HM13: variants seen among roughly 807,000 people sequenced by gnomAD.
HM13 encodes the protein histocompatibility minor 13.
Under a neutral mutation model 50.0 loss-of-function variants are expected in HM13, and 18 were observed. That is an observed-to-expected ratio of 0.36 (90% CI 0.25 to 0.53). The LOEUF (loss-of-function observed/expected upper bound fraction) is 0.53, where lower values mean the gene tolerates loss of function less well. Among genes scored for constraint, HM13 ranks in the 20% least tolerant of loss-of-function variants. The pLI is 0.90. For synonymous variants in HM13, 197 were observed against 232.6 expected (o/e 0.85, Z 1.39); for missense variants, 393 against 552.4 (o/e 0.71, Z 2.89).
intron 1 of HM13, among the ~76,000 whole-genome samples, chr20:31,523,818 G>A (rs1402356263): frequency 6.6e-6 from 1 of 152,156 alleles, no homozygotes; most frequent in East Asian, 1.9e-4. Flanking sequence ...AGGAAACTGG[G>A]CCTCTCATGT....
chr20:31,532,021 C>G (rs149421984), intron 2 of HM13, among the ~76,000 whole-genome samples: 1 of 152,240 alleles, frequency 6.6e-6, no homozygotes, highest in Non-Finnish European at 1.5e-5. Context: ...ATCCCCCTCA[C>G]TTTAAACAGA....
chr20:31,551,405 TG>T (rs1984027871), intron 7 of HM13, among the ~76,000 whole-genome samples: 1 of 152,140 alleles, frequency 6.6e-6, no homozygotes, highest in Non-Finnish European at 1.5e-5. Flanking sequence ...CACATAGCTG[TG>T]TCCAGAAAAA....
Position 31,549,241 on chromosome 20 carries a change from T to C in HM13, c.575T>C (p.Phe192Ser). Reference sequence around the variant, plus strand: ...GCCAACAACCTTTTTGGCCTGGCCTTCTCCCTTAATGGAGTAGAGCTCCTG... The same window carrying C: ...GCCAACAACCTTTTTGGCCTGGCCTCCTCCCTTAATGGAGTAGAGCTCCTG... ...WIANNLFGLAFSLNGVELLHL... is the reference protein window; with the variant it reads ...WIANNLFGLASSLNGVELLHL... Residue 192 changes from phenylalanine (F) to serine (S), a missense_variant, in exon 6 of 13, where the codon TTC becomes TCC. Coordinates refer to ENST00000398174, the MANE Select transcript of HM13 (RefSeq NM_178581.3). 2 of 1,614,158 alleles carry C rather than the reference T, an allele frequency of 1.2e-6. No individual in the cohort carries two copies. The highest frequency in any genetic ancestry group is 1.7e-6 in the Non-Finnish European group (2 of 1,180,028).
chr20:31,547,388 G>A (rs1010478122), intron 4 of HM13: 9 of 407,454 alleles, frequency 2.2e-5, no homozygotes, highest in Admixed American at 4.7e-5. Flanking sequence ...TAGCGACAAC[G>A]GCTCTGACCG....
intron 11 of HM13, chr20:31,567,841 C>G (rs1985010237): frequency 2.1e-6 from 1 of 482,410 alleles, no homozygotes; most frequent in East Asian, 3.5e-5. Context: ...GCAGCACATA[C>G]ACTTCTAGAG....
intron 4 of HM13, chr20:31,547,702 GAATTATTGTTTTTTAGACA>G (rs1357035819): frequency 7.5e-7 from 1 of 1,330,330 alleles, no homozygotes; most frequent in African/African-American, 1.5e-5. Flanking sequence ...CGTAAGTGGG[GAATTATTGTTTTTTAGACA>G]AAGAAAGGGG....
intron 11 of HM13, chr20:31,567,865 C>G: frequency 5.5e-6 from 3 of 550,372 alleles, no homozygotes; most frequent in Non-Finnish European, 9.6e-6. Context: ...GCTTGTTCTT[C>G]TGCACAGTGG....
intron 1 of HM13, among the ~76,000 whole-genome samples, chr20:31,515,841 G>C (rs571955487): frequency 6.6e-6 from 1 of 152,046 alleles, no homozygotes; most frequent in African/African-American, 2.4e-5. Context: ...GCACCTTCCC[G>C]ATGCTCCTCC....
chr20:31,562,327 A>C (rs1176850051), intron 10 of HM13: 1 of 156,896 alleles, frequency 6.4e-6, no homozygotes, highest in Non-Finnish European at 1.4e-5. Flanking sequence ...GGATTGCCCT[A>C]CTTTCTACTG....
chr20:31,515,967 C>T (rs971518478), intron 1 of HM13, among the ~76,000 whole-genome samples: 12 of 152,344 alleles, frequency 7.9e-5, no homozygotes, highest in Non-Finnish European at 1.8e-4. Flanking sequence ...CACTACCCAA[C>T]TTGAGCAGTA....
chr20:31,542,098 G>A (rs1185938808), intron 3 of HM13, among the ~76,000 whole-genome samples: 1 of 152,244 alleles, frequency 6.6e-6, no homozygotes, highest in Non-Finnish European at 1.5e-5. Context: ...CTGCACCCGA[G>A]CTGTGACAGC....
chr20:31,551,257 A>C (rs1984021399), intron 7 of HM13, among the ~76,000 whole-genome samples: 1 of 152,062 alleles, frequency 6.6e-6, no homozygotes, highest in Non-Finnish European at 1.5e-5. Flanking sequence ...GCTCAGAGTG[A>C]GTTAATGACC....
Position 31,550,053 on chromosome 20 carries a change from T to TC in HM13, c.667-10dup, listed in dbSNP as rs753788451. On this transcript the variant is annotated splice_polypyrimidine_tract_variant and intron_variant, in intron 6 of 12. Transcript: ENST00000398174. ...ACTTCCCTTCATACTGCTCTTTTTTTCTCCTTCTAGGTATTTGGCACCAAT... is the reference window on the plus strand; with the variant it reads ...ACTTCCCTTCATACTGCTCTTTTTTTCCTCCTTCTAGGTATTTGGCACCAAT... The TC allele has an allele frequency of 6.2e-7, 1 of 1,611,758 alleles. No individual in the cohort carries two copies.
Position 31,569,438 on chromosome 20 carries a change from C to T in HM13, c.*219C>T. 2.4e-6 allele frequency: 1 copy of T among 413,388 alleles called. No homozygotes were observed. The highest frequency in any genetic ancestry group is 4.4e-6 in the Non-Finnish European group (1 of 227,188). The allele number at this position is 413,388 out of a possible 1,614,324, so 25.6% of individuals were successfully genotyped here. A position where few individuals can be genotyped will look rare whatever the true frequency, so the allele number is the denominator to read the frequency against. ...CACACCCTGCAGGCAAAAGAAACCC[C>T]CAGCTTCCCCCCTCCCCGGGAGCCA... On this transcript the variant is annotated 3_prime_UTR_variant, in exon 13 of 13. Coordinates refer to ENST00000398174, the MANE Select transcript of HM13 (RefSeq NM_178581.3).
chr20:31,515,725 C>G (rs1244688757), intron 1 of HM13, among the ~76,000 whole-genome samples: 1 of 152,172 alleles, frequency 6.6e-6, no homozygotes, highest in Admixed American at 6.5e-5. Context: ...TCTCCCTCCC[C>G]CTTCCCTGCC....
At chr20:31,536,249 G>A (rs569475257) in intron 2 of HM13, among the ~76,000 whole-genome samples, 1 of 152,310 alleles carries the variant, frequency 6.6e-6, no homozygotes, top group South Asian at 2.1e-4. Context: ...TGTAATCCCA[G>A]CCACTTGGGA....
At chr20:31,546,614 C>A (rs974985856) in intron 4 of HM13, among the ~76,000 whole-genome samples, 3 of 151,950 alleles carry the variant, frequency 2.0e-5, no homozygotes, top group African/African-American at 7.2e-5. Context: ...ATTAGCCAGG[C>A]ATGGTGGCGT....
intron 4 of HM13, among the ~76,000 whole-genome samples, chr20:31,546,364 A>G (rs1376829910): frequency 6.6e-6 from 1 of 152,066 alleles, no homozygotes; most frequent in Non-Finnish European, 1.5e-5. Flanking sequence ...GGTGCCTAGC[A>G]CATGCTGCCT....
At chr20:31,554,663 C>G in intron 7 of HM13, 83 bp from the exon 8 acceptor site, 2 of 1,117,354 alleles carry the variant, frequency 1.8e-6, no homozygotes, top group South Asian at 2.6e-5. Flanking sequence ...GCCTGGGTGA[C>G]AGTGCGAGAC....
Sources: allele counts gnomAD v4.1 joint callset (sites outside exome capture counted in the v4.1 genomes callset), GRCh38; gene constraint gnomAD v4.1.1; transcripts MANE v1.5; gene names NCBI Gene and HGNC (gene_info 2026-07-23, HGNC 2026-07-21).